Variants in MACROD2 observed in about 807,000 individuals in gnomAD.
MACROD2 encodes mono-ADP ribosylhydrolase 2.
In MACROD2, 36 loss-of-function variants were observed where a neutral mutation model predicts 70.4. The observed-to-expected ratio is 0.51, with a 90% CI of 0.39 to 0.68. MACROD2 has a LOEUF of 0.68. Among genes scored for constraint, MACROD2 ranks in the 30% least tolerant of loss-of-function variants. The pLI is 0.00. For synonymous variants in MACROD2, 172 were observed against 178.8 expected (o/e 0.96, Z 0.30); for missense variants, 496 against 538.4 (o/e 0.92, Z 0.78).
At chr20:14,393,306 A>G (rs1216005605) in intron 3 of MACROD2, among the ~76,000 whole-genome samples, 1 of 152,198 alleles carries the variant, frequency 6.6e-6, no homozygotes. Context: ...AATGGCAAAC[A>G]GAAATTAATG....
intron 4 of MACROD2, among the ~76,000 whole-genome samples, chr20:14,619,379 G>T (rs1983669562): frequency 1.1e-5 from 1 of 92,266 alleles, no homozygotes; most frequent in African/African-American, 4.2e-5. Flanking sequence ...AGTGAGGGAG[G>T]GAAGGAAGGA....
At chr20:15,882,905 A>T (rs75431412) in intron 9 of MACROD2, among the ~76,000 whole-genome samples, 241 of 152,168 alleles carry the variant, frequency 1.6e-3, no homozygotes, top group African/African-American at 5.7e-3. Flanking sequence ...TTCTACATAC[A>T]AGAAGACTTC....
At chr20:15,185,292 G>T (rs930470362) in intron 5 of MACROD2, among the ~76,000 whole-genome samples, 2 of 152,068 alleles carry the variant, frequency 1.3e-5, no homozygotes, top group Non-Finnish European at 2.9e-5. Context: ...TAAACTTTTG[G>T]TACATGAGAT....
chr20:14,287,828 C>T (rs926246385), intron 3 of MACROD2, among the ~76,000 whole-genome samples: 1 of 152,232 alleles, frequency 6.6e-6, no homozygotes, highest in African/African-American at 2.4e-5. Context: ...CCAGAGGCTA[C>T]CCTCGGCTCT....
At position 15,482,702 on chromosome 20, in the gene MACROD2, T is replaced by G. The variant is rs143053518; in HGVS notation, c.572-17072T>G. Reference sequence around the variant, plus strand: ...CCCACCGGCAATGAATGAGAGTCCCTGTTGTTCCACATTCTTACCAGCATT... The same window carrying G: ...CCCACCGGCAATGAATGAGAGTCCCGGTTGTTCCACATTCTTACCAGCATT... On this transcript the variant is annotated intron_variant, in intron 7 of 17. Coordinates refer to ENST00000684519, the MANE Select transcript of MACROD2 (RefSeq NM_001351661.2). Among the ~76,000 whole-genome samples, 16 of 152,316 alleles carry G rather than the reference T, an allele frequency of 1.1e-4. No individual in the cohort carries two copies. In the East Asian group the frequency reaches 3.1e-3, roughly 29 times the overall value.
chr20:14,250,779 TA>T (rs2082006094), intron 3 of MACROD2, among the ~76,000 whole-genome samples: 1 of 152,206 alleles, frequency 6.6e-6, no homozygotes, highest in Non-Finnish European at 1.5e-5. Flanking sequence ...ATAATAATAA[TA>T]ATGTCAACCT....
intron 5 of MACROD2, among the ~76,000 whole-genome samples, chr20:14,861,981 A>ATG (rs1316543636): frequency 2.0e-4 from 10 of 49,696 alleles, no homozygotes; most frequent in Non-Finnish European, 3.4e-4. Context: ...ATATAAATAT[A>ATG]TATATATATA....
intron 13 of MACROD2, among the ~76,000 whole-genome samples, chr20:15,972,013 G>A (rs1052554958): frequency 2.0e-5 from 3 of 152,098 alleles, no homozygotes; most frequent in Non-Finnish European, 4.4e-5. Context: ...ATGTTAATTC[G>A]AGACAAAGAA....
At chr20:14,162,354 A>G (rs1247965729) in intron 3 of MACROD2, among the ~76,000 whole-genome samples, 1 of 152,214 alleles carries the variant, frequency 6.6e-6, no homozygotes, top group African/African-American at 2.4e-5. Flanking sequence ...TAACTGTTGG[A>G]TGAAATGTTT....
intron 4 of MACROD2, among the ~76,000 whole-genome samples, chr20:14,654,298 G>C (rs1242076778): frequency 6.7e-6 from 1 of 149,222 alleles, no homozygotes; most frequent in Non-Finnish European, 1.5e-5. Flanking sequence ...TGTAATCCCA[G>C]CACTTTGGGA....
chr20:15,089,761 G>A (rs1444712694), intron 5 of MACROD2, among the ~76,000 whole-genome samples: 2 of 151,966 alleles, frequency 1.3e-5, no homozygotes, highest in Non-Finnish European at 2.9e-5. Flanking sequence ...TTTGCTGGTT[G>A]TGATTTCTTA....
intron 5 of MACROD2, among the ~76,000 whole-genome samples, chr20:15,060,905 CAATG>C (rs1267700758): frequency 6.6e-6 from 1 of 152,152 alleles, no homozygotes; most frequent in Non-Finnish European, 1.5e-5. Flanking sequence ...AGCTCATACA[CAATG>C]AAGCCGGCTC....
chr20:15,639,704 TGATGTCCTTCCTGGC>T (rs1323061141), intron 8 of MACROD2, among the ~76,000 whole-genome samples: 1 of 151,972 alleles, frequency 6.6e-6, no homozygotes, highest in African/African-American at 2.4e-5. Context: ...CCCCAAGAGG[TGATGTCCTTCCTGGC>T]CTTCAGCCAT....
chr20:15,058,808 G>A (rs2075508283), intron 5 of MACROD2, among the ~76,000 whole-genome samples: 1 of 152,036 alleles, frequency 6.6e-6, no homozygotes, highest in African/African-American at 2.4e-5. Context: ...TAAACATTTA[G>A]TACATTAAAA....
intron 5 of MACROD2, among the ~76,000 whole-genome samples, chr20:14,897,267 G>T (rs2073841619): frequency 1.3e-5 from 2 of 151,884 alleles, no homozygotes; most frequent in South Asian, 4.2e-4. Flanking sequence ...TTTGAAGGTG[G>T]GTGTCTAATG....
At chr20:15,621,349 G>C (rs1168638134) in intron 8 of MACROD2, among the ~76,000 whole-genome samples, 2 of 152,114 alleles carry the variant, frequency 1.3e-5, no homozygotes, top group African/African-American at 4.8e-5. Flanking sequence ...ATAGCACAAG[G>C]TTTTTCAGCT....
intron 5 of MACROD2, among the ~76,000 whole-genome samples, chr20:14,976,852 G>A (rs1018877825): frequency 1.3e-5 from 2 of 152,264 alleles, no homozygotes; most frequent in South Asian, 4.2e-4. Context: ...GTCAAGGCAT[G>A]CACAGTGTGG....
rs556142046 is a variant in MACROD2, at chr20:15,747,136, A to G, written c.646-115609A>G. On this transcript the variant is annotated intron_variant, in intron 8 of 17. Transcript: ENST00000684519. ...TCAGAGTGAAAAAAGAGTATCCTCA[A>G]AGTTCCTCCCTCTACCATAATAAGG... 2.6e-5 allele frequency among the ~76,000 whole-genome samples: 4 copies of G among 152,264 alleles called. No homozygotes were observed. In the South Asian group the frequency reaches 8.3e-4, roughly 32 times the overall value.
chr20:15,557,791 T>G (rs1308507872), intron 8 of MACROD2, among the ~76,000 whole-genome samples: 2 of 152,154 alleles, frequency 1.3e-5, no homozygotes, highest in African/African-American at 2.4e-5. Context: ...TATCCCCTGG[T>G]CTCTGAGCTA....
Sources: allele counts gnomAD v4.1 joint callset (sites outside exome capture counted in the v4.1 genomes callset), GRCh38; gene constraint gnomAD v4.1.1; transcripts MANE v1.5; gene names NCBI Gene and HGNC (gene_info 2026-07-23, HGNC 2026-07-21).